RUNDC3B: variants seen among roughly 807,000 people sequenced by gnomAD.
RUNDC3B encodes RUN domain containing 3B.
A neutral mutation model predicts 58.4 loss-of-function variants in RUNDC3B; 33 were observed. The ratio of observed to expected loss-of-function variants is 0.56; its 90% CI spans 0.43 to 0.75. RUNDC3B has a LOEUF of 0.75. Among genes scored for constraint, RUNDC3B ranks in the 30% least tolerant of loss-of-function variants. The pLI is 0.00. For missense variants in RUNDC3B, 501 were observed against 535.7 expected (o/e 0.94, Z 0.64); for synonymous variants, 193 against 195.2 (o/e 0.99, Z 0.10).
At chr7:87,682,882 T>C (rs1827065269) in intron 2 of RUNDC3B, among the ~76,000 whole-genome samples, 1 of 152,202 alleles carries the variant, frequency 6.6e-6, no homozygotes, top group Admixed American at 6.5e-5. Flanking sequence ...TTAACTTCTC[T>C]TCTTTTACTA....
intron 2 of RUNDC3B, chr7:87,693,928 T>C (rs757981347): frequency 9.9e-6 from 16 of 1,611,280 alleles, no homozygotes; most frequent in Non-Finnish European, 1.4e-5. Flanking sequence ...AAGTTGCAGA[T>C]GGCTGGCTCA....
intron 3 of RUNDC3B, among the ~76,000 whole-genome samples, chr7:87,702,264 GTTTTA>G (rs575267106): frequency 1.4e-4 from 20 of 143,290 alleles, no homozygotes; most frequent in African/African-American, 4.9e-4. Context: ...TGGGTTTATT[GTTTTA>G]TTTTATTTTA....
chr7:87,665,507 T>C (rs998833710), intron 2 of RUNDC3B, among the ~76,000 whole-genome samples: 1 of 152,136 alleles, frequency 6.6e-6, no homozygotes, highest in African/African-American at 2.4e-5. Context: ...ATGTCCATAC[T>C]ACCCAAAGTG....
intron 4 of RUNDC3B, among the ~76,000 whole-genome samples, chr7:87,719,425 T>C (rs1393952267): frequency 1.3e-5 from 2 of 151,244 alleles, no homozygotes; most frequent in Admixed American, 6.6e-5. Flanking sequence ...AAAATAAATA[T>C]AAAAAATATA....
chr7:87,789,175 T>C (rs551761647), intron 8 of RUNDC3B, among the ~76,000 whole-genome samples: 1 of 152,278 alleles, frequency 6.6e-6, no homozygotes, highest in East Asian at 1.9e-4. Context: ...CTTGAACACA[T>C]TTGTCATATT....
chr7:87,668,153 T>G (rs2106522), intron 2 of RUNDC3B, among the ~76,000 whole-genome samples: 12,009 of 151,880 alleles, frequency 0.079, 510 homozygotes, highest in African/African-American at 0.1. Context: ...TATTACTGAT[T>G]TGATTTCAGA....
chr7:87,775,224 T>A (rs1834554631), intron 7 of RUNDC3B, among the ~76,000 whole-genome samples: 1 of 152,210 alleles, frequency 6.6e-6, no homozygotes, highest in African/African-American at 2.4e-5. Context: ...GACAGTGATA[T>A]TGATGATCCT....
chr7:87,750,493 C>A (rs1179583463), intron 6 of RUNDC3B, among the ~76,000 whole-genome samples: 1 of 151,958 alleles, frequency 6.6e-6, no homozygotes, highest in Non-Finnish European at 1.5e-5. Context: ...ACAGTCCCAC[C>A]AACAGTGTAA....
intron 3 of RUNDC3B, among the ~76,000 whole-genome samples, chr7:87,705,514 A>C (rs1031647904): frequency 6.6e-6 from 1 of 152,216 alleles, no homozygotes; most frequent in African/African-American, 2.4e-5. Flanking sequence ...TTTAGCCATA[A>C]GACTTAAACA....
chr7:87,819,789 T>C (rs1392418555), intron 10 of RUNDC3B, among the ~76,000 whole-genome samples: 3 of 152,070 alleles, frequency 2.0e-5, no homozygotes, highest in Admixed American at 6.6e-5. Context: ...GAGTGACTAC[T>C]GGGTACATAA....
At chr7:87,684,697 G>A (rs1178275408) in intron 2 of RUNDC3B, among the ~76,000 whole-genome samples, 1 of 133,308 alleles carries the variant, frequency 7.5e-6, no homozygotes, top group Non-Finnish European at 1.5e-5. Context: ...GCAGTGAGTC[G>A]AGATCGTGCC....
intron 2 of RUNDC3B, among the ~76,000 whole-genome samples, chr7:87,683,964 A>G (rs1585093879): frequency 1.3e-5 from 2 of 152,364 alleles, no homozygotes; most frequent in Non-Finnish European, 2.9e-5. Flanking sequence ...TGACAGATCA[A>G]ACTGGAATGC....
At chr7:87,731,750 A>G (rs537460506) in intron 4 of RUNDC3B, among the ~76,000 whole-genome samples, 10 of 152,340 alleles carry the variant, frequency 6.6e-5, no homozygotes, top group African/African-American at 2.4e-4. Context: ...CCAACAATGG[A>G]GCACACAGAT....
At chr7:87,766,383 C>T (rs1486826120) in intron 6 of RUNDC3B, among the ~76,000 whole-genome samples, 2 of 152,026 alleles carry the variant, frequency 1.3e-5, no homozygotes, top group African/African-American at 2.4e-5. Flanking sequence ...TGGTGAGTAT[C>T]GTCCTTTTTT....
At chr7:87,732,780 G>A (rs531771895) in intron 4 of RUNDC3B, among the ~76,000 whole-genome samples, 1 of 152,212 alleles carries the variant, frequency 6.6e-6, no homozygotes, top group Non-Finnish European at 1.5e-5. Flanking sequence ...GGTCACATGG[G>A]GATGAAGTAA....
At position 87,700,572 on chromosome 7, in the gene RUNDC3B, G is replaced by A. The variant is rs1828943031; in HGVS notation, c.372+18G>A. ...GAGCTAAGGTAAGACATTGGTCAGAGACTCGTTTCTATTTTTTTTTTCATT... is the reference window on the plus strand; with the variant it reads ...GAGCTAAGGTAAGACATTGGTCAGAAACTCGTTTCTATTTTTTTTTTCATT... On this transcript the variant is annotated intron_variant, in intron 3 of 10. Coordinates refer to ENST00000394654, the MANE Select transcript of RUNDC3B (RefSeq NM_001134405.2). 1.3e-6 allele frequency: 2 copies of A among 1,592,762 alleles called. No homozygotes were observed. Among genetic ancestry groups the A allele is most frequent in the Non-Finnish European group, 1.7e-6 (2 of 1,172,850 alleles).
At chr7:87,770,256 C>T (rs919382273) in intron 6 of RUNDC3B, among the ~76,000 whole-genome samples, 9 of 152,058 alleles carry the variant, frequency 5.9e-5, no homozygotes, top group African/African-American at 9.7e-5. Context: ...CTGTTTCCAG[C>T]GCATCTAGAG....
intron 1 of RUNDC3B, among the ~76,000 whole-genome samples, chr7:87,635,969 A>G (rs1821725036): frequency 2.0e-5 from 3 of 152,224 alleles, no homozygotes; most frequent in Admixed American, 2.0e-4. Context: ...TTGGATGAAT[A>G]TACCACAATA....
intron 6 of RUNDC3B, among the ~76,000 whole-genome samples, chr7:87,764,532 T>C (rs1173174240): frequency 2.6e-5 from 4 of 151,810 alleles, no homozygotes; most frequent in African/African-American, 4.8e-5. Flanking sequence ...TTGTACCCAA[T>C]AGGTAATTAT....
Sources: gnomAD v4.1 joint callset for allele counts (sites outside exome capture counted in the v4.1 genomes callset) on GRCh38, gnomAD v4.1.1 for gene constraint, MANE v1.5 for transcripts, NCBI Gene and HGNC (gene_info 2026-07-23, HGNC 2026-07-21) for gene names.